Variants in PRICKLE1 observed in about 807,000 individuals in gnomAD.
PRICKLE1 encodes prickle-like protein 1.
PRICKLE1 carries 14 observed loss-of-function variants against 70.2 expected under a neutral mutation model. The observed-to-expected ratio is 0.20, with a 90% CI of 0.13 to 0.31. The LOEUF (loss-of-function observed/expected upper bound fraction) is 0.31, where lower values mean the gene tolerates loss of function less well. Ranked by LOEUF, PRICKLE1 falls within the 10% of genes least tolerant of loss-of-function variation. The pLI, the probability that PRICKLE1 is intolerant of heterozygous loss-of-function variation, is 1.00. For missense variants in PRICKLE1, 821 were observed against 1,026.2 expected (o/e 0.80, Z 2.73); for synonymous variants, 357 against 379.9 (o/e 0.94, Z 0.70).
chr12:42,527,916 AATATATATATATATATATATAT>A lies in PRICKLE1; in HGVS notation c.-48-55374_-48-55353del, dbSNP rs1163552624. Among the ~76,000 whole-genome samples, 174 of 20,146 alleles carry A rather than the reference AATATATATATATATATATATAT, an allele frequency of 8.6e-3. 10 individuals are homozygous for A. Among genetic ancestry groups the A allele is most frequent in the East Asian group, 0.043 (24 of 556 alleles). The allele number at this position is 20,146 out of a possible 152,430, so 13.2% of individuals were successfully genotyped here. ...ACTGGAGTTTATATATACTCTTTAT[AATATATATATATATATATATAT>A]ATATATATATATATATATATATATA... On this transcript the variant is annotated intron_variant, in intron 1 of 7. Coordinates refer to ENST00000345127, the MANE Select transcript of PRICKLE1 (RefSeq NM_153026.3).
intron 5 of PRICKLE1, among the ~76,000 whole-genome samples, chr12:42,468,231 T>A (rs1453565419): frequency 6.6e-6 from 1 of 152,246 alleles, no homozygotes; most frequent in Non-Finnish European, 1.5e-5. Flanking sequence ...TGTCTTTCCA[T>A]ACCTTTTCTG....
intron 1 of PRICKLE1, among the ~76,000 whole-genome samples, chr12:42,474,891 T>C (rs1050141740): frequency 1.3e-5 from 2 of 152,190 alleles, no homozygotes; most frequent in Non-Finnish European, 2.9e-5. Flanking sequence ...AAAAATTAAA[T>C]GTCACTGGAT....
intron 1 of PRICKLE1, among the ~76,000 whole-genome samples, chr12:42,555,826 C>T (rs1473338168): frequency 1.3e-5 from 2 of 152,156 alleles, no homozygotes; most frequent in Non-Finnish European, 2.9e-5. Flanking sequence ...TCTTTATATA[C>T]CACTTGGTTG....
At chr12:42,527,496 G>T (rs754510810) in intron 1 of PRICKLE1, among the ~76,000 whole-genome samples, 10 of 152,110 alleles carry the variant, frequency 6.6e-5, no homozygotes, top group Non-Finnish European at 5.9e-5. Flanking sequence ...TGGAAGTCAA[G>T]ATGCAACTCA....
intron 1 of PRICKLE1, among the ~76,000 whole-genome samples, chr12:42,571,377 G>A (rs1940710178): frequency 6.6e-6 from 1 of 152,160 alleles, no homozygotes; most frequent in East Asian, 1.9e-4. Flanking sequence ...TCTCCTCCAA[G>A]AGAATACAAA....
intron 1 of PRICKLE1, among the ~76,000 whole-genome samples, chr12:42,519,193 CTTTTTTTTTT>C (rs11342397): frequency 5.0e-5 from 5 of 99,190 alleles, no homozygotes; most frequent in African/African-American, 1.9e-4. Context: ...CCTTTTTTTC[CTTTTTTTTTT>C]TTTTTTTTTT....
rs183373505 is a variant in PRICKLE1 at position 42,539,180 on chromosome 12, C to A, written c.-49+50285G>T. On this transcript the variant is annotated intron_variant, in intron 1 of 7. Transcript: ENST00000345127. ...GATTAAAATATTCACAAAAGTAATA[C>A]AATCTGGCTGGGCACGGTGGCTCAC... 1.6e-4 allele frequency among the ~76,000 whole-genome samples: 24 copies of A among 152,136 alleles called. No individual in the cohort carries two copies. The East Asian group carries it at 2.7e-3, about 17-fold the overall frequency.
At chr12:42,514,345 T>G (rs73130435) in intron 1 of PRICKLE1, among the ~76,000 whole-genome samples, 2,812 of 152,302 alleles carry the variant, frequency 0.018, 35 homozygotes, top group Middle Eastern at 0.065. Context: ...AGAAAATGAT[T>G]AAACCTCCAC....
At chr12:42,543,646 C>A (rs554954470) in intron 1 of PRICKLE1, among the ~76,000 whole-genome samples, 11 of 152,162 alleles carry the variant, frequency 7.2e-5, no homozygotes, top group Non-Finnish European at 1.5e-4. Context: ...CCTCAGCCTC[C>A]TGAGTAGCTG....
rs548579534 is a variant in PRICKLE1 at position 42,489,187 on chromosome 12, T to C, written c.-48-16623A>G. Among the ~76,000 whole-genome samples the C allele has an allele frequency of 7.3e-4, 110 of 150,666 alleles. 1 individual carries two copies. The highest frequency in any genetic ancestry group is 3.5e-3 in the Middle Eastern group (1 of 284). ...ATCTGCCCACCTCGGCCTCCCAAAG[T>C]GTTGGGATTACAGGCATGAGCCACC... On this transcript the variant is annotated intron_variant, in intron 1 of 7. Transcript: ENST00000345127.
chr12:42,460,268 T>G lies in PRICKLE1; in HGVS notation c.2037A>C (p.Arg679Ser), dbSNP rs1057520141. ...RSHHHRRRRS[R>S]KSRSDNALNL... ...TCAGGGCATTGTCGGAGCGGGACTT[T>G]CTACTTCTCCGGCGGCGGTGGTGAT... Residue 679 changes from arginine (R) to serine (S), a missense_variant, in exon 8 of 8, where the codon AGA becomes AGC. Coordinates refer to ENST00000345127, the MANE Select transcript of PRICKLE1 (RefSeq NM_153026.3). 2.5e-6 allele frequency: 4 copies of G among 1,614,066 alleles called. No homozygotes were observed. The highest frequency in any genetic ancestry group is 2.7e-5 in the African/African-American group (2 of 74,908).
intron 1 of PRICKLE1, among the ~76,000 whole-genome samples, chr12:42,500,979 T>C (rs1053522366): frequency 2.0e-5 from 3 of 152,238 alleles, no homozygotes; most frequent in African/African-American, 7.2e-5. Flanking sequence ...TCTGAACTTA[T>C]CAGCTTTTCT....
At chr12:42,461,463 G>A (rs1593101903) in intron 7 of PRICKLE1, among the ~76,000 whole-genome samples, 1 of 152,160 alleles carries the variant, frequency 6.6e-6, no homozygotes, top group African/African-American at 2.4e-5. Context: ...TGTGTATCAA[G>A]TTTTATTGGA....
intron 1 of PRICKLE1, among the ~76,000 whole-genome samples, chr12:42,583,857 T>G (rs1360091658): frequency 6.6e-6 from 1 of 152,150 alleles, no homozygotes; most frequent in Non-Finnish European, 1.5e-5. Flanking sequence ...ACCTCACCTC[T>G]TGGATACCCT....
intron 7 of PRICKLE1, among the ~76,000 whole-genome samples, chr12:42,461,192 TTC>T (rs113976278): frequency 6.6e-6 from 1 of 152,352 alleles, no homozygotes; most frequent in African/African-American, 2.4e-5. Flanking sequence ...GGGGCACAGG[TTC>T]TCTTATAAGC....
chr12:42,460,478 A>T lies in PRICKLE1; in HGVS notation c.1827T>A (p.Pro609=). ...CTGGCAGATGTACTGGCTTCTCTTC[A>T]GGCAGGATTTTCTCTGGACACAACT... The part of the protein sequence containing the change: ...SSELCPEKIL[P]EEKPVHLPVL... Residue 609 remains proline, a synonymous_variant, in exon 8 of 8, where the codon CCT becomes CCA. Coordinates refer to ENST00000345127, the MANE Select transcript of PRICKLE1 (RefSeq NM_153026.3). 6.2e-7 allele frequency: 1 copy of T among 1,613,786 alleles called. No homozygotes were observed. Among genetic ancestry groups the T allele is most frequent in the Non-Finnish European group, 8.5e-7 (1 of 1,179,694 alleles).
chr12:42,488,179 C>T (rs975167609), intron 1 of PRICKLE1, among the ~76,000 whole-genome samples: 1 of 152,204 alleles, frequency 6.6e-6, no homozygotes, highest in Admixed American at 6.5e-5. Flanking sequence ...AGGCAGCCCC[C>T]AGGCACCTCC....
At chr12:42,477,482 GTATATA>G (rs139988285) in intron 1 of PRICKLE1, among the ~76,000 whole-genome samples, 1,655 of 113,934 alleles carry the variant, frequency 0.015, 20 homozygotes, top group South Asian at 0.024. Context: ...GTGTGTGTGT[GTATATA>G]TATATATATA....
At chr12:42,497,917 A>C (rs1939236701) in intron 1 of PRICKLE1, among the ~76,000 whole-genome samples, 1 of 152,164 alleles carries the variant, frequency 6.6e-6, no homozygotes, top group Non-Finnish European at 1.5e-5. Flanking sequence ...CCGCAGCCTA[A>C]CTCACTCCCT....
Sources: gnomAD v4.1 joint callset for allele counts (sites outside exome capture counted in the v4.1 genomes callset) on GRCh38, gnomAD v4.1.1 for gene constraint, MANE v1.5 for transcripts, NCBI Gene and HGNC (gene_info 2026-07-23, HGNC 2026-07-21) for gene names.